The following FRMD4A variants were observed in gnomAD, a reference collection of about 807,000 sequenced individuals.
The protein encoded by FRMD4A is FERM domain containing 4A, also known as FERM domain-containing protein 4A.
Under a neutral mutation model 129.1 loss-of-function variants are expected in FRMD4A, and 29 were observed. That is an observed-to-expected ratio of 0.22 (90% CI 0.17 to 0.31). The LOEUF is 0.31. FRMD4A is among the 10% of genes least tolerant of loss of function. The pLI is 1.00. For synonymous variants in FRMD4A, 634 were observed against 571.6 expected (o/e 1.11, Z -1.56); for missense variants, 1,272 against 1,375.8 (o/e 0.92, Z 1.19).
intron 8 of FRMD4A, among the ~76,000 whole-genome samples, chr10:13,758,751 T>A (rs1045372513): frequency 6.6e-6 from 1 of 152,114 alleles, no homozygotes; most frequent in Non-Finnish European, 1.5e-5. Flanking sequence ...CATGTGCCTA[T>A]TTTTTCCTGG....
At chr10:13,779,836 G>T (rs2092692182) in intron 6 of FRMD4A, among the ~76,000 whole-genome samples, 1 of 150,152 alleles carries the variant, frequency 6.7e-6, no homozygotes, top group Non-Finnish European at 1.5e-5. Context: ...TGAAGACTCA[G>T]TTAAACAATT....
intron 2 of FRMD4A, among the ~76,000 whole-genome samples, chr10:13,949,902 C>T (rs952376553): frequency 6.6e-6 from 1 of 152,206 alleles, no homozygotes; most frequent in South Asian, 2.1e-4. Context: ...GAAAGCAGCA[C>T]TCACATCTGT....
intron 2 of FRMD4A, among the ~76,000 whole-genome samples, chr10:13,959,464 T>G (rs981020019): frequency 1.2e-5 from 1 of 82,212 alleles, no homozygotes; most frequent in African/African-American, 5.4e-5. Context: ...AGAGCAAGAC[T>G]GTTTCATAAA....
intron 11 of FRMD4A, 55 bp downstream of exon 11, chr10:13,740,139 T>C: frequency 1.0e-6 from 1 of 952,456 alleles, no homozygotes; most frequent in South Asian, 1.3e-5. Context: ...ACGAGATGTT[T>C]TGATTTGTTT....
chr10:14,186,714 C>T (rs1842156301), intron 2 of FRMD4A, among the ~76,000 whole-genome samples: 1 of 152,106 alleles, frequency 6.6e-6, no homozygotes, highest in Non-Finnish European at 1.5e-5. Flanking sequence ...GGGTTATCAG[C>T]CTCTGAGGAT....
At chr10:14,202,551 G>A (rs904441479) in intron 2 of FRMD4A, among the ~76,000 whole-genome samples, 2 of 151,998 alleles carry the variant, frequency 1.3e-5, no homozygotes, top group African/African-American at 2.4e-5. Flanking sequence ...CAGGTGAGCA[G>A]CACCACCCCC....
intron 2 of FRMD4A, among the ~76,000 whole-genome samples, chr10:14,325,745 G>T (rs1051147543): frequency 2.0e-5 from 3 of 152,188 alleles, no homozygotes; most frequent in African/African-American, 7.2e-5. Flanking sequence ...GCAAATATTT[G>T]TTGGTTAGTT....
At chr10:14,177,663 T>C (rs1841779433) in intron 2 of FRMD4A, among the ~76,000 whole-genome samples, 1 of 152,166 alleles carries the variant, frequency 6.6e-6, no homozygotes, top group Non-Finnish European at 1.5e-5. Flanking sequence ...ATTCGACTGA[T>C]TGCATGTTTA....
rs881440 is a variant in FRMD4A at position 14,296,936 on chromosome 10, C to A, written c.45+33122G>T. Among the ~76,000 whole-genome samples the A allele has an allele frequency of 7.9e-3, 1,206 of 152,220 alleles. 8 individuals carry two copies. The highest frequency in any genetic ancestry group is 0.038 in the East Asian group (198 of 5,174). On this transcript the variant is annotated intron_variant, in intron 2 of 24. Transcript: ENST00000357447. ...GTCCTTCCTTCTGTGCCAGGGGAGA[C>A]AACATCAGTAAATCACAGAACTCTC...
At chr10:14,296,544 C>T (rs993235182) in intron 2 of FRMD4A, among the ~76,000 whole-genome samples, 2 of 152,182 alleles carry the variant, frequency 1.3e-5, no homozygotes, top group African/African-American at 4.8e-5. Flanking sequence ...CTGCAACACT[C>T]AGATGATCCC....
chr10:13,940,089 C>A (rs1006794674), intron 2 of FRMD4A, among the ~76,000 whole-genome samples: 11 of 151,890 alleles, frequency 7.2e-5, no homozygotes, highest in African/African-American at 2.4e-4. Flanking sequence ...TTGCTACAGC[C>A]CATGAGTACT....
intron 15 of FRMD4A, among the ~76,000 whole-genome samples, chr10:13,688,804 C>A (rs2085360145): frequency 6.6e-6 from 1 of 152,102 alleles, no homozygotes; most frequent in South Asian, 2.1e-4. Context: ...ACCTCTGCCT[C>A]CTAGCTAGGC....
intron 2 of FRMD4A, among the ~76,000 whole-genome samples, chr10:14,119,660 T>C (rs1838390920): frequency 6.6e-6 from 1 of 152,306 alleles, no homozygotes; most frequent in African/African-American, 2.4e-5. Context: ...TGTCATTGTT[T>C]GGGCTGCTCT....
chr10:13,831,238 C>T (rs2093785799), intron 3 of FRMD4A, among the ~76,000 whole-genome samples: 2 of 152,188 alleles, frequency 1.3e-5, no homozygotes, highest in Non-Finnish European at 2.9e-5. Context: ...TGGATGACAT[C>T]AACTTTACCG....
chr10:13,924,499 C>T (rs969496558), intron 2 of FRMD4A, among the ~76,000 whole-genome samples: 4 of 152,074 alleles, frequency 2.6e-5, no homozygotes, highest in African/African-American at 4.8e-5. Flanking sequence ...CTCTCTTCCC[C>T]CAGATAGCAT....
chr10:13,750,097 AAAGAAAGAAATG>A (rs1490457251), intron 8 of FRMD4A, among the ~76,000 whole-genome samples: 351 of 108,150 alleles, frequency 3.2e-3, no homozygotes, highest in African/African-American at 9.6e-3. Flanking sequence ...AGAAAGAAAG[AAAGAAAGAAATG>A]AAGAAAGAAA....
At chr10:13,709,312 C>T (rs544477817) in intron 12 of FRMD4A, among the ~76,000 whole-genome samples, 1 of 152,268 alleles carries the variant, frequency 6.6e-6, no homozygotes, top group South Asian at 2.1e-4. Flanking sequence ...TTTCCTTTAG[C>T]CTCAGTTTTC....
At chr10:14,279,581 C>T (rs1564436323) in intron 2 of FRMD4A, among the ~76,000 whole-genome samples, 2 of 152,080 alleles carry the variant, frequency 1.3e-5, no homozygotes, top group Non-Finnish European at 2.9e-5. Flanking sequence ...TATACTTCTT[C>T]CAAGAAAGAC....
At chr10:13,882,787 G>A (rs1159033851) in intron 2 of FRMD4A, among the ~76,000 whole-genome samples, 1 of 145,368 alleles carries the variant, frequency 6.9e-6, no homozygotes, top group African/African-American at 2.6e-5. Context: ...AAAACCAAAA[G>A]CCACAGTATA....
Sources: allele counts gnomAD v4.1 joint callset (sites outside exome capture counted in the v4.1 genomes callset), GRCh38; gene constraint gnomAD v4.1.1; transcripts MANE v1.5; gene names NCBI Gene and HGNC (gene_info 2026-07-23, HGNC 2026-07-21).